The following CCDC187 variants were observed in gnomAD, a reference collection of about 807,000 sequenced individuals.
CCDC187 encodes coiled-coil domain-containing protein 187.
Under a neutral mutation model 38.0 loss-of-function variants are expected in CCDC187, and 32 were observed. The ratio of observed to expected loss-of-function variants is 0.84; its 90% confidence interval spans 0.64 to 1.13. The LOEUF is 1.13. CCDC187 is among the 50% of genes most tolerant of loss of function. CCDC187 has a pLI of 0.00. For missense variants in CCDC187, 707 were observed against 786.8 expected (o/e 0.90, Z 1.21); for synonymous variants, 333 against 347.9 (o/e 0.96, Z 0.48).
chr9:136,300,500 G>A (rs1056628531), intron 2 of CCDC187, among the ~76,000 whole-genome samples, 182 bp from the exon 3 acceptor site: 12 of 152,112 alleles, frequency 7.9e-5, no homozygotes, highest in Admixed American at 1.3e-4. Context: ...TACAACCTCC[G>A]CCTCTTGGGT....
intron 7 of CCDC187, among the ~76,000 whole-genome samples, chr9:136,288,295 C>T (rs1350576838): frequency 1.3e-5 from 2 of 152,202 alleles, no homozygotes; most frequent in Admixed American, 1.3e-4. Context: ...AAACGAGTGC[C>T]TTCAAGACAA....
Position 136,260,156 on chromosome 9 carries a change from C to T in CCDC187, c.4173G>A (p.Gln1391=). The change falls in exon 20 of 26, where the codon CAG becomes CAA. Residue 1391 remains glutamine, a synonymous_variant. Coordinates refer to ENST00000638797, the MANE Select transcript of CCDC187 (RefSeq NM_001378188.1). ...GGCTGCCACTCTCCACCAGCGGGCC[C>T]TGGGGGTCGTGTGTGTCCTCGCCCC... ...PAWGEDTHDP[Q]GPLVESGSHV... The T allele has an allele frequency of 1.0e-6, 1 of 985,456 alleles. No individual in the cohort carries two copies. Among genetic ancestry groups the T allele is most frequent in the African/African-American group, 1.7e-5 (1 of 57,326 alleles). The allele number at this position is 985,456 out of a possible 1,614,324, so 61.0% of individuals were successfully genotyped here. A position where few individuals can be genotyped will look rare whatever the true frequency, so the allele number is the denominator to read the frequency against.
rs1332255025 is a variant in CCDC187 at position 136,293,339 on chromosome 9, ACACT to A, written c.833-1048_833-1045del. Reference sequence around the variant, plus strand: ...CTCACACTCACATGCTTACACACTCACACTCACATGCTCACACACATTCACATGC... The same window carrying A: ...CTCACACTCACATGCTTACACACTCACACATGCTCACACACATTCACATGC... On this transcript the variant is annotated intron_variant, in intron 4 of 25. Transcript: ENST00000638797. Among the ~76,000 whole-genome samples the A allele has an allele frequency of 2.4e-3, 346 of 146,442 alleles. 4 individuals carry two copies. The highest frequency in any genetic ancestry group is 6.9e-3 in the African/African-American group (271 of 39,056).
intron 19 of CCDC187, 41 bp downstream of exon 19, chr9:136,262,270 C>T (rs1486531611): frequency 2.0e-6 from 2 of 986,028 alleles, no homozygotes; most frequent in Non-Finnish European, 2.4e-6. Flanking sequence ...ACATCAGGGT[C>T]CAGACCCCGA....
At chr9:136,292,736 G>T (rs956888596) in intron 4 of CCDC187, among the ~76,000 whole-genome samples, 1 of 152,202 alleles carries the variant, frequency 6.6e-6, no homozygotes, top group Admixed American at 6.5e-5. Flanking sequence ...CGGGCTCCGC[G>T]CAGCACGGGA....
chr9:136,260,393 G>T, intron 19 of CCDC187, 129 bp from the exon 20 acceptor site: 1 of 575,350 alleles, frequency 1.7e-6, no homozygotes, highest in Non-Finnish European at 2.2e-6. Context: ...AGGGATGGCT[G>T]TGGTCAGTGG....
intron 14 of CCDC187, among the ~76,000 whole-genome samples, chr9:136,273,987 C>T (rs1257762243): frequency 6.6e-6 from 1 of 152,252 alleles, no homozygotes; most frequent in Non-Finnish European, 1.5e-5. Context: ...ACACACATCA[C>T]ACGAGAGGGG....
At chr9:136,273,690 A>C (rs1830878407) in intron 14 of CCDC187, among the ~76,000 whole-genome samples, 1 of 152,258 alleles carries the variant, frequency 6.6e-6, no homozygotes, top group Admixed American at 6.5e-5. Context: ...CACTCCCCCC[A>C]GCAACAACAG....
rs1831190478 is a variant in CCDC187, at chr9:136,286,684, C to T, written c.2234G>A (p.Cys745Tyr). 5.0e-6 allele frequency: 2 copies of T among 398,798 alleles called. No individual in the cohort carries two copies. The highest frequency in any genetic ancestry group is 8.8e-6 in the Non-Finnish European group (2 of 226,192). 24.7% of individuals were successfully genotyped at this position (398,798 alleles called of 1,614,324 possible). A position where few individuals can be genotyped will look rare whatever the true frequency, so the allele number is the denominator to read the frequency against. Residue 745 changes from cysteine to tyrosine, a missense_variant, in exon 8 of 26, where the codon TGT becomes TAT. Transcript: ENST00000638797. ...AGCATGGTTCCAGGCTCTGTTCAAA[C>T]ACAGGCAGAAGCTGCAGGAAGAGAG... ...GQEAPGSFCLCLNRAWNHAET... is the reference protein window; with the variant it reads ...GQEAPGSFCLYLNRAWNHAET...
At chr9:136,256,094 A>G in intron 24 of CCDC187, 117 bp downstream of exon 24, 1 of 439,526 alleles carries the variant, frequency 2.3e-6, no homozygotes, top group Non-Finnish European at 3.0e-6. Flanking sequence ...GTGCCCCGGC[A>G]GCACAGGTGT....
rs143910696 is a variant in CCDC187, at chr9:136,274,731, G to C, written c.3369C>G (p.Asp1123Glu). Residue 1123 changes from aspartate (D) to glutamate (E), a missense_variant, in exon 14 of 26, where the codon GAC becomes GAG. Coordinates refer to ENST00000638797, the MANE Select transcript of CCDC187 (RefSeq NM_001378188.1). ...MATPRSHPPL[D>E]TDAATSSQGP... is the part of the protein sequence containing the mutation. Reference sequence around the variant, plus strand: ...CCTGGGAGGACGTGGCAGCATCTGTGTCCAGAGGCGGGTGTGACCTACAGG... The same window carrying C: ...CCTGGGAGGACGTGGCAGCATCTGTCTCCAGAGGCGGGTGTGACCTACAGG... The C allele has an allele frequency of 7.5e-4, 114 of 152,478 alleles. No individual in the cohort carries two copies. The South Asian group carries it at 7.7e-3, about 10-fold the overall frequency. 9.4% of individuals were successfully genotyped at this position (152,478 alleles called of 1,614,324 possible).
At chr9:136,299,479 G>C (rs903255499) in intron 3 of CCDC187, among the ~76,000 whole-genome samples, 1 of 152,180 alleles carries the variant, frequency 6.6e-6, no homozygotes, top group Admixed American at 6.5e-5. Context: ...CCTTCATTCT[G>C]GGCCTCAGGA....
rs1402886395 is a variant in CCDC187, at chr9:136,290,546, G to A, written c.2067C>T (p.Pro689=). ...TGCCAGGGGTGGTCCGGGAGACCAC[G>A]GGGACCGCCCTGCCGAGGACGGCCT... ...QREAVLGRAV[P]VVSRTTPGIV... The change falls in exon 6 of 26, where the codon CCC becomes CCT. Residue 689 remains proline (P), a synonymous_variant. Coordinates refer to ENST00000638797, the MANE Select transcript of CCDC187 (RefSeq NM_001378188.1). The A allele has an allele frequency of 3.5e-5, 14 of 398,980 alleles. No homozygotes were observed. The highest frequency in any genetic ancestry group is 5.7e-5 in the Non-Finnish European group (13 of 226,358). The allele number at this position is 398,980 out of a possible 1,614,324, so 24.7% of individuals were successfully genotyped here.
At position 136,264,194 on chromosome 9, in the gene CCDC187, A is replaced by C. The variant is rs1830713826; in HGVS notation, c.3736-396T>G. The C allele has an allele frequency of 6.6e-6, 1 of 152,404 alleles. No homozygotes were observed. Among genetic ancestry groups the C allele is most frequent in the Admixed American group, 6.5e-5 (1 of 15,284 alleles). The allele number at this position is 152,404 out of a possible 1,614,324, so 9.4% of individuals were successfully genotyped here. On this transcript the variant is annotated intron_variant, in intron 17 of 25. Transcript: ENST00000638797. This position sits in a 1 kb window ranked among gnomAD's most constrained non-coding sequence, Gnocchi z 4.3. ...GGACGCACCCTCGGAACAACCTTGC[A>C]CAGAGCCCAGGGCCGGGCCGGGCCG...
Position 136,271,420 on chromosome 9 carries a change from C to CT in CCDC187, c.3442+3237dup, listed in dbSNP as rs539525534. ...CCTGTAATCCCAGCTACTTGGGAGGCTGAGGCAGGAGAATCGCTTGAACCT... is the reference window on the plus strand; with the variant it reads ...CCTGTAATCCCAGCTACTTGGGAGGCTTGAGGCAGGAGAATCGCTTGAACCT... On this transcript the variant is annotated intron_variant, in intron 14 of 25. Coordinates refer to ENST00000638797, the MANE Select transcript of CCDC187 (RefSeq NM_001378188.1). Among the ~76,000 whole-genome samples, 183 of 151,952 alleles carry CT rather than the reference C, an allele frequency of 1.2e-3. 1 individual carries two copies. In the Middle Eastern group the frequency reaches 0.017, roughly 14 times the overall value.
chr9:136,283,863 G>T (rs1184708038), intron 9 of CCDC187, among the ~76,000 whole-genome samples: 2 of 152,204 alleles, frequency 1.3e-5, no homozygotes, highest in African/African-American at 4.8e-5. Context: ...GTCGTCCTGG[G>T]CATTGCAGGC....
At position 136,253,216 on chromosome 9, in the gene CCDC187, T is replaced by C. The variant is rs113309419; in HGVS notation, c.*378A>G. On this transcript the variant is annotated 3_prime_UTR_variant, in exon 26 of 26. Coordinates refer to ENST00000638797, the MANE Select transcript of CCDC187 (RefSeq NM_001378188.1). ...CCGCTACCCACCCCGGCTCTCTGCA[T>C]GCCCAGAGCTCTGCGCTCCTTCCCA... 0.057 allele frequency: 8,630 copies of C among 152,736 alleles called. 264 individuals are homozygous for C. The highest frequency in any genetic ancestry group is 0.087 in the Middle Eastern group (26 of 300). The allele number at this position is 152,736 out of a possible 1,614,324, so 9.5% of individuals were successfully genotyped here. A position where few individuals can be genotyped will look rare whatever the true frequency, so the allele number is the denominator to read the frequency against.
rs1408773260 is a variant in CCDC187 at position 136,258,544 on chromosome 9, G to GC, written c.4366+387_4366+388insG. Among the ~76,000 whole-genome samples, 44 of 152,352 alleles carry GC rather than the reference G, an allele frequency of 2.9e-4. No individual in the cohort carries two copies. The highest frequency in any genetic ancestry group is 9.9e-4 in the African/African-American group (41 of 41,594). On this transcript the variant is annotated intron_variant, in intron 22 of 25. Transcript: ENST00000638797. The surrounding 1 kb of genome is among the most constrained non-coding windows in gnomAD (Gnocchi z 4.3). ...GCAAATTGGGGACTTGGCTCTCGGG[G>GC]GGGGCCCCGGCCAAGTGTAAGGTTC...
At chr9:136,268,169 G>A in intron 14 of CCDC187, 44 bp from the exon 15 acceptor site, 1 of 980,660 alleles carries the variant, frequency 1.0e-6, no homozygotes, top group Non-Finnish European at 1.2e-6. Flanking sequence ...GGGGGTCTGA[G>A]TGCCCCGTGT....
Sources: gnomAD v4.1 joint callset for allele counts (sites outside exome capture counted in the v4.1 genomes callset) on GRCh38, gnomAD v4.1.1 for gene constraint, Gnocchi (gnomAD v3.1) non-coding constraint, MANE v1.5 for transcripts, NCBI Gene and HGNC (gene_info 2026-07-23, HGNC 2026-07-21) for gene names.